The following CEBPZ variants were observed in gnomAD, a reference collection of about 807,000 sequenced individuals.
CEBPZ encodes CCAAT enhancer binding protein zeta, also known as CCAAT/enhancer-binding protein zeta.
In CEBPZ, 78 loss-of-function variants were observed where a neutral mutation model predicts 104.5. The ratio of observed to expected loss-of-function variants is 0.75; its 90% CI spans 0.62 to 0.90. CEBPZ has a LOEUF of 0.90. Among genes scored for constraint, CEBPZ ranks in the 40% least tolerant of loss-of-function variants. The probability of loss-of-function intolerance (pLI) is 0.00; values close to 1 mark genes in which losing one functional copy is unlikely to be tolerated. For missense variants in CEBPZ, 1,439 were observed against 1,233.5 expected, an observed-to-expected ratio of 1.17 and a Z score of -2.50; for synonymous variants, 470 against 427.0, an observed-to-expected ratio of 1.10 and a Z score of -1.24.
intron 6 of CEBPZ, 133 bp downstream of exon 6, chr2:37,216,851 A>T: frequency 1.4e-6 from 1 of 736,094 alleles, no homozygotes; most frequent in Non-Finnish European, 2.3e-6. Context: ...GAAACAAGTC[A>T]CTGCTTCTTT....
Position 37,212,384 on chromosome 2 carries a change from CA to C in CEBPZ, c.2553del (p.Phe851LeufsTer20), listed in dbSNP as rs1385308743. ...CCAGAGCTGAAACAGTTATCATCTT[CA>C]AATGTGTCTGCCAGACAATACAGAA... is the stretch of plus-strand genomic sequence containing the variant. The part of the protein sequence containing the change: ...DEEFEELIDT[F>X]EDDNCFSSGK... On this transcript the variant is annotated frameshift_variant, in exon 11 of 16. Coordinates refer to ENST00000234170, the MANE Select transcript of CEBPZ (RefSeq NM_005760.3). LOFTEE classifies it high-confidence loss of function. 6.2e-7 allele frequency: 1 copy of C among 1,613,106 alleles called. No individual in the cohort carries two copies. The highest frequency in any genetic ancestry group is 8.5e-7 in the Non-Finnish European group (1 of 1,179,530).
chr2:37,229,735 T>C (rs1664991015), intron 1 of CEBPZ, among the ~76,000 whole-genome samples: 1 of 152,224 alleles, frequency 6.6e-6, no homozygotes, highest in Non-Finnish European at 1.5e-5. Context: ...TGAGACATGG[T>C]CTCGCTCTGT....
At position 37,228,280 on chromosome 2, in the gene CEBPZ, T is replaced by G; in HGVS notation, c.913A>C (p.Arg305=). 1 of 1,614,214 alleles carries G rather than the reference T, an allele frequency of 6.2e-7. No homozygotes were observed. Among genetic ancestry groups the G allele is most frequent in the Non-Finnish European group, 8.5e-7 (1 of 1,180,018 alleles). ...TDLLPDNRKL[R]IFSQRPFDKL... ...TCAAAAGGACGCTGGCTGAAAATCC[T>G]CAGCTTCCGATTGTCTGGCAAAAGG... The change falls in exon 2 of 16, where the codon AGG becomes CGG. Residue 305 remains arginine, a synonymous_variant. Transcript: ENST00000234170.
rs953273832 is a variant in CEBPZ, at chr2:37,231,195, G to C, written c.156+217C>G. ...AATCAGAAGATCGCCTACATCCTAA[G>C]AATAGCCAGAGAATACAACGTTCAA... On this transcript the variant is annotated intron_variant, in intron 1 of 15. Transcript: ENST00000234170. 5.6e-6 allele frequency: 4 copies of C among 716,730 alleles called. No homozygotes were observed. In the Admixed American group the frequency reaches 6.1e-5, roughly 11 times the overall value. The allele number at this position is 716,730 out of a possible 1,614,324, so 44.4% of individuals were successfully genotyped here.
chr2:37,221,373 G>T (rs185731221), intron 4 of CEBPZ, among the ~76,000 whole-genome samples: 1 of 152,210 alleles, frequency 6.6e-6, no homozygotes, highest in East Asian at 1.9e-4. Flanking sequence ...TTCCTAAATG[G>T]CAACAAAAGG....
At chr2:37,230,040 A>G (rs1167376717) in intron 1 of CEBPZ, among the ~76,000 whole-genome samples, 1 of 152,174 alleles carries the variant, frequency 6.6e-6, no homozygotes, top group Non-Finnish European at 1.5e-5. Context: ...AAGTGGGGGA[A>G]AAACACGATT....
At chr2:37,223,133 G>A in intron 3 of CEBPZ, 37 bp downstream of exon 3, 2 of 1,508,666 alleles carry the variant, frequency 1.3e-6, no homozygotes, top group Non-Finnish European at 1.8e-6. Flanking sequence ...ATATATTTCA[G>A]CACCCACTCA....
At chr2:37,219,692 C>G (rs750788773) in intron 5 of CEBPZ, among the ~76,000 whole-genome samples, 2 of 152,102 alleles carry the variant, frequency 1.3e-5, no homozygotes, top group African/African-American at 4.8e-5. Context: ...CAAAAAGTCA[C>G]AGAAAGGTTA....
At chr2:37,219,461 G>A (rs947728580) in intron 5 of CEBPZ, among the ~76,000 whole-genome samples, 1 of 151,710 alleles carries the variant, frequency 6.6e-6, no homozygotes, top group African/African-American at 2.4e-5. Flanking sequence ...TTCTGATGCA[G>A]CTTGGTGCTG....
chr2:37,231,100 T>C (rs1345574702), intron 1 of CEBPZ, among the ~76,000 whole-genome samples: 1 of 152,216 alleles, frequency 6.6e-6, no homozygotes, highest in East Asian at 1.9e-4. Context: ...AAAACACTCA[T>C]ACCACAAGGT....
rs1248329991 is a variant in CEBPZ at position 37,228,750 on chromosome 2, T to A, written c.443A>T (p.His148Leu). ...KVKNKNRPEP[H>L]SDENGSTTPK... Reference sequence around the variant, plus strand: ...TGTGGTACTGCCATTCTCATCAGAATGTGGTTCTGGCCTATTCTTATTTTT... The same window carrying A: ...TGTGGTACTGCCATTCTCATCAGAAAGTGGTTCTGGCCTATTCTTATTTTT... Residue 148 changes from histidine (H) to leucine (L), a missense_variant, in exon 2 of 16, where the codon CAT (histidine) becomes CTT (leucine). By Grantham distance (99) the His-to-Leu change is moderately conservative. Coordinates refer to ENST00000234170, the MANE Select transcript of CEBPZ (RefSeq NM_005760.3). 8.7e-6 allele frequency: 14 copies of A among 1,614,224 alleles called. No homozygotes were observed. In the East Asian group the frequency reaches 2.9e-4, roughly 33 times the overall value.
chr2:37,206,163 T>C (rs547105346), intron 13 of CEBPZ, among the ~76,000 whole-genome samples: 1 of 152,082 alleles, frequency 6.6e-6, no homozygotes, highest in Admixed American at 6.5e-5. Flanking sequence ...AGGAGGAAAA[T>C]GGCGGATAAG....
At chr2:37,229,227 ACACACACG>A (rs375262290) in intron 1 of CEBPZ, among the ~76,000 whole-genome samples, 191 bp from the exon 2 acceptor site, 213 of 152,302 alleles carry the variant, frequency 1.4e-3, no homozygotes, top group Admixed American at 3.1e-3. Context: ...TTTTACACAC[ACACACACG>A]CACACACACT....
At chr2:37,204,671 A>ACAC (rs1388949396) in intron 13 of CEBPZ, 4 of 152,188 alleles carry the variant, frequency 2.6e-5, no homozygotes, top group Non-Finnish European at 4.4e-5. Context: ...ATCTACTCTA[A>ACAC]CACCTGTAAA....
chr2:37,221,711 C>T (rs541577633), intron 4 of CEBPZ, among the ~76,000 whole-genome samples: 1 of 152,318 alleles, frequency 6.6e-6, no homozygotes, highest in South Asian at 2.1e-4. Flanking sequence ...TGGCAGCTAT[C>T]AGACTTCTCT....
rs1426632448 is a variant in CEBPZ at position 37,210,999 on chromosome 2, C to G, written c.2884G>C (p.Gly962Arg). ...DDFDFAGSFQ[G>R]PRKKKRNLND... The stretch of plus-strand genomic sequence containing the variant: ...AAAGATATTAAATGTATTTTCTTAC[C>G]TTGAAATGAGCCAGCAAAGTCAAAA... Residue 962 changes from glycine to arginine, a missense_variant and splice_region_variant, in exon 13 of 16, where the codon GGG (glycine) becomes CGG (arginine). Transcript: ENST00000234170. 1 of 1,605,064 alleles carries G rather than the reference C, an allele frequency of 6.2e-7. No homozygotes were observed. The highest frequency in any genetic ancestry group is 8.5e-7 in the Non-Finnish European group (1 of 1,174,582).
Position 37,223,397 on chromosome 2 carries a change from T to A in CEBPZ, c.1654A>T (p.Met552Leu). Residue 552 changes from methionine (M) to leucine (L), a missense_variant, in exon 3 of 16, where the codon ATG (methionine) becomes TTG (leucine). Transcript: ENST00000234170. The stretch of plus-strand genomic sequence containing the variant: ...CACGTCATCAACCCTGGATCCAACA[T>A]CTTCCTGCAAAACAAAACCAAGGTC... Reference protein sequence around the residue: ...DRYYTALYRKMLDPGLMTCSK... With the variant: ...DRYYTALYRKLLDPGLMTCSK... 1.2e-6 allele frequency: 2 copies of A among 1,613,356 alleles called. No homozygotes were observed. The highest frequency in any genetic ancestry group is 8.5e-7 in the Non-Finnish European group (1 of 1,179,494).
At chr2:37,213,003 T>A (rs1430733439) in intron 10 of CEBPZ, among the ~76,000 whole-genome samples, 1 of 151,826 alleles carries the variant, frequency 6.6e-6, no homozygotes, top group Non-Finnish European at 1.5e-5. Flanking sequence ...GTTGGGATTG[T>A]GCCACTGCAC....
intron 13 of CEBPZ, among the ~76,000 whole-genome samples, chr2:37,205,141 G>A (rs1229886839): frequency 6.6e-6 from 1 of 152,180 alleles, no homozygotes; most frequent in Non-Finnish European, 1.5e-5. Context: ...CTAAGAAATT[G>A]ACAGCAGTAT....
Sources: allele counts gnomAD v4.1 joint callset (sites outside exome capture counted in the v4.1 genomes callset), GRCh38; gene constraint gnomAD v4.1.1; transcripts MANE v1.5; gene names NCBI Gene and HGNC (gene_info 2026-07-23, HGNC 2026-07-21).